Variants in CPVL observed in about 807,000 individuals in gnomAD.
CPVL encodes carboxypeptidase vitellogenic like.
Under a neutral mutation model 63.7 loss-of-function variants are expected in CPVL, and 51 were observed. That is an observed-to-expected ratio of 0.80 (90% CI 0.64 to 1.01). The LOEUF (loss-of-function observed/expected upper bound fraction) is 1.01. CPVL is among the 50% of genes least tolerant of loss of function. The pLI, the probability that CPVL is intolerant of heterozygous loss-of-function variation, is 0.00. For missense variants in CPVL, 530 were observed against 573.1 expected, an observed-to-expected ratio of 0.92 and a Z score of 0.77; for synonymous variants, 195 against 206.0, an observed-to-expected ratio of 0.95 and a Z score of 0.46.
intron 1 of CPVL, among the ~76,000 whole-genome samples, chr7:29,138,917 C>T (rs1386575451): frequency 6.6e-6 from 1 of 152,170 alleles, no homozygotes; most frequent in Non-Finnish European, 1.5e-5. Context: ...GAGGCCTCTT[C>T]CCACTTCTCC....
At chr7:29,132,257 G>A (rs183479673) in intron 1 of CPVL, among the ~76,000 whole-genome samples, 1 of 152,246 alleles carries the variant, frequency 6.6e-6, no homozygotes, top group Non-Finnish European at 1.5e-5. Context: ...GCCCATGGTG[G>A]GGGCCAGGTG....
exon 1 of CPVL, chr7:29,195,126 G>A: frequency 1.1e-6 from 1 of 899,638 alleles, no homozygotes; most frequent in Non-Finnish European, 1.6e-6. Flanking sequence ...CGTCCGGGGT[G>A]ATACTTGTTT....
At chr7:29,000,728 C>T (rs2173511) in intron 12 of CPVL, among the ~76,000 whole-genome samples, 11,425 of 152,194 alleles carry the variant, frequency 0.075, 470 homozygotes, top group South Asian at 0.12. Context: ...AAAATTACCA[C>T]TTTAACCATT....
chr7:29,147,204 G>T, upstream of CPVL: 1 of 528,902 alleles, frequency 1.9e-6, no homozygotes, highest in Non-Finnish European at 3.3e-6. Flanking sequence ...AACTAAAAAA[G>T]GCAAGGAGGT....
At chr7:29,169,716 C>T (rs543639799) in intron 5 of CPVL, among the ~76,000 whole-genome samples, 1 of 152,080 alleles carries the variant, frequency 6.6e-6, no homozygotes, top group East Asian at 1.9e-4. Context: ...CACATTTGAT[C>T]CAGAAAAGCT....
intron 5 of CPVL, among the ~76,000 whole-genome samples, chr7:29,094,175 T>G (rs1786150099): frequency 6.6e-6 from 1 of 152,050 alleles, no homozygotes; most frequent in Admixed American, 6.5e-5. Flanking sequence ...ATCCCATCTC[T>G]ACTAAAAATA....
At chr7:29,133,255 T>C (rs1790879786) in intron 1 of CPVL, among the ~76,000 whole-genome samples, 1 of 152,028 alleles carries the variant, frequency 6.6e-6, no homozygotes, top group Non-Finnish European at 1.5e-5. Context: ...TCTGTGCATA[T>C]CATCTTGCCA....
At chr7:28,998,033 C>A (rs1489417287) in intron 12 of CPVL, among the ~76,000 whole-genome samples, 2 of 152,178 alleles carry the variant, frequency 1.3e-5, no homozygotes, top group Non-Finnish European at 2.9e-5. Context: ...GGAAACCCAG[C>A]ATGCCCACTT....
chr7:29,091,736 T>A (rs1485712056), intron 6 of CPVL, among the ~76,000 whole-genome samples: 1 of 152,166 alleles, frequency 6.6e-6, no homozygotes, highest in Non-Finnish European at 1.5e-5. Flanking sequence ...GAGGGAGAGA[T>A]CTTTGGGAAA....
chr7:29,048,263 T>C (rs1411176507), intron 11 of CPVL, among the ~76,000 whole-genome samples: 2 of 152,118 alleles, frequency 1.3e-5, no homozygotes, highest in South Asian at 2.1e-4. Flanking sequence ...ACTTAAAAGA[T>C]ACAGAACTGC....
At chr7:29,051,442 AATAGACAATTCTCAAAAGAAG>A (rs531318027) in intron 11 of CPVL, among the ~76,000 whole-genome samples, 36 of 152,236 alleles carry the variant, frequency 2.4e-4, no homozygotes, top group Non-Finnish European at 4.8e-4. Context: ...TAAGGACATG[AATAGACAATTCTCAAAAGAAG>A]ATATACAAAT....
upstream of CPVL, chr7:29,148,602 T>C (rs1195712944): frequency 6.6e-6 from 1 of 152,264 alleles, no homozygotes; most frequent in African/African-American, 2.4e-5. Flanking sequence ...CAAATGAGTT[T>C]TGTAAGTTTG....
chr7:29,020,006 A>G (rs1584004729), intron 12 of CPVL, among the ~76,000 whole-genome samples: 1 of 152,206 alleles, frequency 6.6e-6, no homozygotes, highest in South Asian at 2.1e-4. Context: ...TGCATTCACA[A>G]GAAGAGTCAG....
At chr7:29,135,454 C>A (rs973957403) in intron 1 of CPVL, among the ~76,000 whole-genome samples, 7 of 151,822 alleles carry the variant, frequency 4.6e-5, no homozygotes, top group Non-Finnish European at 1.0e-4. Flanking sequence ...GCCTCAGCCT[C>A]CTGAGTAGCT....
chr7:29,011,911 G>C (rs899541430), intron 12 of CPVL: 7 of 152,192 alleles, frequency 4.6e-5, no homozygotes, highest in Admixed American at 4.6e-4. Context: ...CAAAGGTACT[G>C]CTGTGCCACT....
chr7:29,069,770 ATGTGTGTGTGTGTGTGTGTGTGTGTGTG>A (rs70977102), intron 9 of CPVL, among the ~76,000 whole-genome samples: 14,408 of 132,346 alleles, frequency 0.11, 946 homozygotes, highest in Middle Eastern at 0.16. Flanking sequence ...TCACCAGTAA[ATGTGTGTGTGTGTGTGTGTGTGTGTGTG>A]TGTGTGTGTG....
At chr7:28,995,020 A>C (rs1562712855), downstream of CPVL, among the ~76,000 whole-genome samples, 1 of 152,166 alleles carries the variant, frequency 6.6e-6, no homozygotes, top group East Asian at 1.9e-4. Context: ...ATATTCTAAC[A>C]ATGATACAAA....
At chr7:29,167,487 C>T (rs1796066981) in intron 5 of CPVL, among the ~76,000 whole-genome samples, 1 of 152,126 alleles carries the variant, frequency 6.6e-6, no homozygotes, top group Admixed American at 6.5e-5. Flanking sequence ...TTGAATATGT[C>T]TTTGGTGCAC....
At chr7:29,010,883 T>A (rs1785755477) in intron 12 of CPVL, 1 of 152,134 alleles carries the variant, frequency 6.6e-6, no homozygotes, top group South Asian at 2.1e-4. Context: ...GATAATATTA[T>A]CCCCATTTCA....
Sources: allele counts gnomAD v4.1 joint callset (sites outside exome capture counted in the v4.1 genomes callset), GRCh38; gene constraint gnomAD v4.1.1; transcripts MANE v1.5; gene names NCBI Gene and HGNC (gene_info 2026-07-23, HGNC 2026-07-21).